The following S100Z variants were observed in gnomAD, a reference collection of about 807,000 sequenced individuals.
S100Z encodes S100 calcium binding protein Z.
S100Z carries 11 observed loss-of-function variants against 8.5 expected under a neutral mutation model. The observed-to-expected ratio is 1.30, with a 90% CI of 0.82 to 2.15. The LOEUF is 2.15. Ranked by LOEUF, S100Z falls within the 30% of genes most tolerant of loss-of-function variation. The pLI, the probability that S100Z is intolerant of heterozygous loss-of-function variation, is 0.00. For synonymous variants in S100Z, 34 were observed against 43.8 expected, an observed-to-expected ratio of 0.78 and a Z score of 0.89; for missense variants, 126 against 117.9, an observed-to-expected ratio of 1.07 and a Z score of -0.32.
chr5:76,912,025 CTAAG>C (rs1292144928), intron 4 of S100Z, among the ~76,000 whole-genome samples: 2 of 152,132 alleles, frequency 1.3e-5, no homozygotes, highest in African/African-American at 4.8e-5. Flanking sequence ...AGTGGCATAC[CTAAG>C]TAAGGAAATT....
chr5:76,919,940 A>C (rs1580071394), intron 4 of S100Z, among the ~76,000 whole-genome samples: 1 of 126,774 alleles, frequency 7.9e-6, no homozygotes, highest in Non-Finnish European at 1.6e-5. Flanking sequence ...ACAGAGCCTC[A>C]CTCTGTAGCC....
chr5:76,896,357 A>G (rs1744038749), intron 4 of S100Z, among the ~76,000 whole-genome samples: 2 of 152,166 alleles, frequency 1.3e-5, no homozygotes, highest in African/African-American at 2.4e-5. Flanking sequence ...GTTGTTGCAA[A>G]TGACTGGATC....
At chr5:76,900,309 T>C (rs1744186723) in intron 4 of S100Z, among the ~76,000 whole-genome samples, 1 of 152,242 alleles carries the variant, frequency 6.6e-6, no homozygotes, top group Admixed American at 6.5e-5. Context: ...TATTATCCCT[T>C]TGAATAAACT....
chr5:76,933,854 C>T, the S100Z span, among the ~76,000 whole-genome samples: 1 of 152,188 alleles, frequency 6.6e-6, no homozygotes, highest in Non-Finnish European at 1.5e-5. Context: ...CCATCCCAAA[C>T]AAAAACTTTG....
the S100Z span, among the ~76,000 whole-genome samples, chr5:76,944,807 A>C: frequency 6.6e-6 from 1 of 152,194 alleles, no homozygotes; most frequent in Non-Finnish European, 1.5e-5. Context: ...CCCATGCGTC[A>C]CCACTATTTA....
chr5:76,913,157 C>T (rs1332931195), intron 4 of S100Z, among the ~76,000 whole-genome samples: 3 of 152,220 alleles, frequency 2.0e-5, no homozygotes, highest in Admixed American at 6.5e-5. Context: ...TAAACAAGGG[C>T]GTAGCCTGAA....
intron 1 of S100Z, among the ~76,000 whole-genome samples, chr5:76,863,741 T>C (rs983109928): frequency 2.6e-5 from 4 of 151,976 alleles, no homozygotes; most frequent in Non-Finnish European, 4.4e-5. Flanking sequence ...GGTTTCACCG[T>C]GTTAGCCAGG....
chr5:76,921,757 G>A (rs1745042707), downstream of S100Z: 1 of 152,212 alleles, frequency 6.6e-6, no homozygotes, highest in Non-Finnish European at 1.5e-5. Flanking sequence ...GGAGGTCGAG[G>A]TGGGCGGATC....
At chr5:76,879,343 A>G (rs988650675) in intron 4 of S100Z, among the ~76,000 whole-genome samples, 1 of 152,132 alleles carries the variant, frequency 6.6e-6, no homozygotes, top group Non-Finnish European at 1.5e-5. Flanking sequence ...TCCTCTCATT[A>G]TGTGGGGGGA....
chr5:76,863,700 A>T (rs6886839), intron 1 of S100Z, among the ~76,000 whole-genome samples: 1 of 151,204 alleles, frequency 6.6e-6, no homozygotes, highest in Non-Finnish European at 1.5e-5. Context: ...CACCACACCC[A>T]GCTAATTTTT....
intron 3 of S100Z, among the ~76,000 whole-genome samples, chr5:76,876,416 C>T (rs527530845): frequency 1.3e-5 from 2 of 151,578 alleles, no homozygotes; most frequent in South Asian, 2.1e-4. Context: ...TCTCCTAGGC[C>T]GGAGTGCAGT....
chr5:76,900,136 T>C (rs545684029), intron 4 of S100Z, among the ~76,000 whole-genome samples: 16 of 152,312 alleles, frequency 1.1e-4, no homozygotes, highest in Non-Finnish European at 1.9e-4. Flanking sequence ...ATGTTATTTG[T>C]TTCTTTTGCT....
chr5:76,921,213 A>G lies in S100Z; in HGVS notation c.*499A>G, dbSNP rs1580072586. ...TATCTATATAGTTCCAGCTTAATAA[A>G]TATACAACTGTATTATTATTTTTGT... On this transcript the variant is annotated 3_prime_UTR_variant, in exon 5 of 5. Coordinates refer to ENST00000317593, the MANE Select transcript of S100Z (RefSeq NM_130772.4). 1 of 152,372 alleles carries G rather than the reference A, an allele frequency of 6.6e-6. No homozygotes were observed. Among genetic ancestry groups the G allele is most frequent in the Admixed American group, 6.5e-5 (1 of 15,308 alleles). The allele number at this position is 152,372 out of a possible 1,614,324, so 9.4% of individuals were successfully genotyped here. A position where few individuals can be genotyped will look rare whatever the true frequency, so the allele number is the denominator to read the frequency against.
intron 4 of S100Z, among the ~76,000 whole-genome samples, chr5:76,896,765 T>C (rs1744052089): frequency 6.6e-6 from 1 of 152,242 alleles, no homozygotes; most frequent in Non-Finnish European, 1.5e-5. Flanking sequence ...ATTGTAGCTT[T>C]GATATGCATT....
intron 4 of S100Z, among the ~76,000 whole-genome samples, chr5:76,891,132 G>A (rs1373345919): frequency 6.6e-6 from 1 of 152,194 alleles, no homozygotes; most frequent in Non-Finnish European, 1.5e-5. Flanking sequence ...AAAAGTGCTG[G>A]GATTACAGGC....
chr5:76,948,543 G>A, the S100Z span, among the ~76,000 whole-genome samples: 2 of 152,184 alleles, frequency 1.3e-5, no homozygotes, highest in Non-Finnish European at 2.9e-5. Flanking sequence ...TTTCTCCAAA[G>A]AAGACATACA....
the S100Z span, among the ~76,000 whole-genome samples, chr5:76,946,141 T>A: frequency 1.3e-5 from 2 of 152,220 alleles, no homozygotes; most frequent in Non-Finnish European, 2.9e-5. Context: ...CAGGGATCTC[T>A]TTAGTCTGGA....
At chr5:76,856,662 G>A (rs183796144) in intron 1 of S100Z, among the ~76,000 whole-genome samples, 4 of 152,202 alleles carry the variant, frequency 2.6e-5, no homozygotes, top group Admixed American at 6.5e-5. Context: ...TAATTTTTTC[G>A]GAAGAGTTTA....
chr5:76,925,069 G>A (rs1745113768), downstream of S100Z, among the ~76,000 whole-genome samples: 2 of 152,132 alleles, frequency 1.3e-5, no homozygotes, highest in African/African-American at 4.8e-5. Flanking sequence ...GCTTACTCAT[G>A]TTGTTGGCAG....
Sources: allele counts gnomAD v4.1 joint callset (sites outside exome capture counted in the v4.1 genomes callset), GRCh38; gene constraint gnomAD v4.1.1; transcripts MANE v1.5; gene names NCBI Gene and HGNC (gene_info 2026-07-23, HGNC 2026-07-21).